The following SPPL3 variants were observed in gnomAD, a reference collection of about 807,000 sequenced individuals.
SPPL3 encodes the protein signal peptide peptidase-like 3.
SPPL3 carries 5 observed loss-of-function variants against 42.4 expected under a neutral mutation model. The ratio of observed to expected loss-of-function variants is 0.12; its 90% CI spans 0.06 to 0.25. SPPL3 has a LOEUF of 0.25. SPPL3 is among the 10% of genes least tolerant of loss of function. SPPL3 has a pLI of 1.00. For missense variants in SPPL3, 235 were observed against 489.0 expected, an observed-to-expected ratio of 0.48 and a Z score of 4.90; for synonymous variants, 195 against 181.8, an observed-to-expected ratio of 1.07 and a Z score of -0.58.
At chr12:120,861,027 G>A (rs977591585) in intron 1 of SPPL3, among the ~76,000 whole-genome samples, 3 of 152,000 alleles carry the variant, frequency 2.0e-5, no homozygotes, top group African/African-American at 7.3e-5. Context: ...TTAAATCATC[G>A]CTATATTACT....
chr12:120,807,268 G>A (rs977770151), intron 2 of SPPL3, among the ~76,000 whole-genome samples: 16 of 152,040 alleles, frequency 1.1e-4, no homozygotes, highest in South Asian at 2.1e-4. Context: ...AAGACAATGC[G>A]TTTCAGAAAG....
intron 1 of SPPL3, among the ~76,000 whole-genome samples, chr12:120,871,754 A>AG (rs1491139855): frequency 2.6e-5 from 4 of 152,080 alleles, no homozygotes; most frequent in Admixed American, 6.6e-5. Context: ...ACTCCGTCTC[A>AG]GGGAGGGATA....
chr12:120,854,713 C>T (rs1168737744), intron 1 of SPPL3, among the ~76,000 whole-genome samples: 5 of 152,074 alleles, frequency 3.3e-5, no homozygotes, highest in Non-Finnish European at 7.4e-5. Flanking sequence ...CCTGAATGCC[C>T]CAAAGTCTAA....
At chr12:120,856,503 C>CT (rs35137934) in intron 1 of SPPL3, among the ~76,000 whole-genome samples, 15,246 of 89,162 alleles carry the variant, frequency 0.17, 2,450 homozygotes, top group African/African-American at 0.41. Context: ...CAATTTTCAT[C>CT]TTTTTTTTTT....
At chr12:120,850,489 CTT>C (rs1314518467) in intron 1 of SPPL3, among the ~76,000 whole-genome samples, 1 of 51,438 alleles carries the variant, frequency 1.9e-5, no homozygotes, top group Non-Finnish European at 3.5e-5. Context: ...TGAGACCAGC[CTT>C]TAAAAAAAAA....
At chr12:120,790,996 A>G (rs896040927) in intron 3 of SPPL3, among the ~76,000 whole-genome samples, 10 of 151,976 alleles carry the variant, frequency 6.6e-5, no homozygotes, top group Admixed American at 3.3e-4. Flanking sequence ...CTGATTTTGT[A>G]TTTTTAGTAG....
At chr12:120,834,059 C>G (rs905842488) in intron 1 of SPPL3, among the ~76,000 whole-genome samples, 1 of 152,064 alleles carries the variant, frequency 6.6e-6, no homozygotes, top group African/African-American at 2.4e-5. Flanking sequence ...TTATGATGTC[C>G]TGAAATTATA....
At chr12:120,859,685 G>T (rs1428361944) in intron 1 of SPPL3, among the ~76,000 whole-genome samples, 1 of 152,012 alleles carries the variant, frequency 6.6e-6, no homozygotes, top group East Asian at 1.9e-4. Context: ...GCCGGGTGCA[G>T]TGGCTCCCAG....
At chr12:120,766,966 A>G (rs1243904523) in intron 9 of SPPL3, among the ~76,000 whole-genome samples, 2 of 152,246 alleles carry the variant, frequency 1.3e-5, no homozygotes, top group Non-Finnish European at 2.9e-5. Flanking sequence ...GCCCCATCAC[A>G]ATCATCTCCT....
rs904131565 is a variant in SPPL3, at chr12:120,781,566, T to G, written c.502+1089A>C. On this transcript the variant is annotated intron_variant, in intron 6 of 10. Coordinates refer to ENST00000353487, the MANE Select transcript of SPPL3 (RefSeq NM_139015.5). Reference sequence around the variant, plus strand: ...CTCCTTATTGTTACGTTTTTTTTTTTTTTTTTTTTTTTTTTTTTTTTTTTT... The same window carrying G: ...CTCCTTATTGTTACGTTTTTTTTTTGTTTTTTTTTTTTTTTTTTTTTTTTT... 3.9e-3 allele frequency among the ~76,000 whole-genome samples: 344 copies of G among 88,358 alleles called. 12 individuals are homozygous for G. The highest frequency in any genetic ancestry group is 0.015 in the African/African-American group (310 of 20,948). 58.0% of individuals were successfully genotyped at this position (88,358 alleles called of 152,430 possible).
At chr12:120,773,714 TC>T (rs752592826) in intron 6 of SPPL3, among the ~76,000 whole-genome samples, 60 of 152,296 alleles carry the variant, frequency 3.9e-4, no homozygotes, top group Non-Finnish European at 6.9e-4. Context: ...AACCTGTGCC[TC>T]CCAGGTTCAA....
In SPPL3 at chr12:120,841,306, C is replaced by T. The variant is rs564198178; in HGVS notation, c.24-30420G>A. ...TGGCACTGAACTCCAGCCTGGGCAA[C>T]AAGAGCGAAACTCCATCTCAGAAAA... On this transcript the variant is annotated intron_variant, in intron 1 of 10. Transcript: ENST00000353487. Among the ~76,000 whole-genome samples, 64 of 151,864 alleles carry T rather than the reference C, an allele frequency of 4.2e-4. 1 individual carries two copies. The East Asian group carries it at 7.8e-3, about 18-fold the overall frequency.
intron 3 of SPPL3, among the ~76,000 whole-genome samples, chr12:120,787,540 T>C (rs929723044): frequency 6.6e-6 from 1 of 152,170 alleles, no homozygotes; most frequent in African/African-American, 2.4e-5. Context: ...TAACCTTTTT[T>C]ATGGTGAAGC....
chr12:120,802,401 G>GTATATATATACACATATA (rs1566046035), intron 2 of SPPL3, among the ~76,000 whole-genome samples: 126 of 90,388 alleles, frequency 1.4e-3, no homozygotes, highest in African/African-American at 9.8e-3. Flanking sequence ...ACATATATGT[G>GTATATATATACACATATA]TGTGTGTGTG....
rs1874071018 is a variant in SPPL3, at chr12:120,903,925, T to C, written c.-58A>G. On this transcript the variant is annotated 5_prime_UTR_variant, in exon 1 of 11. Transcript: ENST00000353487. ...GTGGCCGGGCCCGGCGGCGGCGGGC[T>C]CGCTCGGGCCGTAGCTGAAGGCGCG... 1.8e-5 allele frequency: 23 copies of C among 1,304,508 alleles called. No individual in the cohort carries two copies. Among genetic ancestry groups the C allele is most frequent in the Non-Finnish European group, 2.1e-5 (22 of 1,027,764 alleles). 80.8% of individuals were successfully genotyped at this position (1,304,508 alleles called of 1,614,324 possible). A position where few individuals can be genotyped will look rare whatever the true frequency, so the allele number is the denominator to read the frequency against.
intron 6 of SPPL3, among the ~76,000 whole-genome samples, chr12:120,773,476 T>C (rs547302818): frequency 2.6e-5 from 4 of 152,248 alleles, no homozygotes; most frequent in Admixed American, 2.0e-4. Flanking sequence ...GACAGGAGTC[T>C]GCGGGGAGTG....
intron 6 of SPPL3, among the ~76,000 whole-genome samples, chr12:120,781,075 A>G (rs1254957169): frequency 6.6e-6 from 1 of 152,224 alleles, no homozygotes; most frequent in African/African-American, 2.4e-5. Flanking sequence ...GGAAACAAAC[A>G]GCAGTACCTA....
At chr12:120,843,273 T>C (rs749871124) in intron 1 of SPPL3, among the ~76,000 whole-genome samples, 5 of 152,212 alleles carry the variant, frequency 3.3e-5, no homozygotes, top group Non-Finnish European at 5.9e-5. Context: ...AATTACCTGT[T>C]ACATCTATTC....
chr12:120,832,711 T>C (rs1871467969), intron 1 of SPPL3, among the ~76,000 whole-genome samples: 1 of 152,158 alleles, frequency 6.6e-6, no homozygotes, highest in Non-Finnish European at 1.5e-5. Flanking sequence ...ATTCTTTTTA[T>C]TTTACTTGGA....
Sources: gnomAD v4.1 joint callset for allele counts (sites outside exome capture counted in the v4.1 genomes callset) on GRCh38, gnomAD v4.1.1 for gene constraint, MANE v1.5 for transcripts, NCBI Gene and HGNC (gene_info 2026-07-23, HGNC 2026-07-21) for gene names.